OXR1: variants seen among roughly 807,000 people sequenced by gnomAD.
OXR1 encodes the protein oxidation resistance protein 1.
A neutral mutation model predicts 104.6 loss-of-function variants in OXR1; 41 were observed. That is an observed-to-expected ratio of 0.39 (90% CI 0.31 to 0.51). OXR1 has a LOEUF of 0.51. Ranked by LOEUF, OXR1 falls within the 20% of genes least tolerant of loss-of-function variation. The pLI, the probability that OXR1 is intolerant of heterozygous loss-of-function variation, is 0.77. For missense variants in OXR1, 955 were observed against 1,031.9 expected (o/e 0.93, Z 1.02); for synonymous variants, 348 against 348.4 (o/e 1.00, Z 0.01).
intron 2 of OXR1, among the ~76,000 whole-genome samples, chr8:106,496,484 C>T (rs1006578241): frequency 6.6e-6 from 1 of 152,160 alleles, no homozygotes; most frequent in Non-Finnish European, 1.5e-5. Context: ...TATTCTGCTC[C>T]ATGTCTCCTC....
At chr8:106,545,815 T>TG (rs74582675) in intron 3 of OXR1, among the ~76,000 whole-genome samples, 7,442 of 151,990 alleles carry the variant, frequency 0.049, 201 homozygotes, top group Middle Eastern at 0.068. Flanking sequence ...CTGGTGAGCA[T>TG]GCAAAACCTG....
chr8:106,703,297 G>T (rs543284571), intron 8 of OXR1, among the ~76,000 whole-genome samples: 5 of 152,306 alleles, frequency 3.3e-5, no homozygotes, highest in African/African-American at 1.2e-4. Context: ...ATTTGTGTAT[G>T]TGGTCAGAGA....
At chr8:106,563,064 T>C (rs1816797495) in intron 3 of OXR1, among the ~76,000 whole-genome samples, 1 of 152,088 alleles carries the variant, frequency 6.6e-6, no homozygotes, top group Non-Finnish European at 1.5e-5. Context: ...CTGCAGCAAC[T>C]AATGGGCAAA....
chr8:106,692,849 T>G lies in OXR1; in HGVS notation c.647T>G (p.Ile216Ser), dbSNP rs187965651. Residue 216 changes from isoleucine to serine, a missense_variant, in exon 7 of 17, where the codon ATT becomes AGT. Physicochemically the swap from Ile to Ser is moderately radical, Grantham distance 142. Coordinates refer to ENST00000517566, the MANE Select transcript of OXR1 (RefSeq NM_001198533.2). Reference protein sequence around the residue: ...EEAFTEKFLKINCKYITSGKG... With the variant: ...EEAFTEKFLKSNCKYITSGKG... ...GCATTTACTGAGAAATTTCTTAAAA[T>G]TAATTGCAAATATATTACCAGTGGC... 2 of 1,605,664 alleles carry G rather than the reference T, an allele frequency of 1.2e-6. No individual in the cohort carries two copies. The highest frequency in any genetic ancestry group is 2.2e-5 in the East Asian group (1 of 44,708).
chr8:106,469,793 A>G (rs1281175280), intron 2 of OXR1, among the ~76,000 whole-genome samples: 1 of 151,856 alleles, frequency 6.6e-6, no homozygotes, highest in African/African-American at 2.4e-5. Context: ...AAAGCCTGAA[A>G]TAGGCATCTG....
chr8:106,412,532 A>G (rs1818498859), intron 2 of OXR1, among the ~76,000 whole-genome samples: 1 of 152,178 alleles, frequency 6.6e-6, no homozygotes, highest in Non-Finnish European at 1.5e-5. Context: ...TATTCTTATC[A>G]ATTTTCAGAA....
intron 2 of OXR1, among the ~76,000 whole-genome samples, chr8:106,387,137 A>G (rs1192317124): frequency 6.6e-6 from 1 of 152,240 alleles, no homozygotes; most frequent in Non-Finnish European, 1.5e-5. Flanking sequence ...GAGAGTGAGC[A>G]TTAGTGCCAT....
At chr8:106,350,959 CTTCTA>C (rs1202859950) in intron 1 of OXR1, among the ~76,000 whole-genome samples, 5 of 152,142 alleles carry the variant, frequency 3.3e-5, no homozygotes, top group Admixed American at 3.3e-4. Context: ...AATTGGATGA[CTTCTA>C]CTCTAGAGTT....
At chr8:106,363,069 A>G (rs1279520110) in intron 2 of OXR1, among the ~76,000 whole-genome samples, 1 of 152,214 alleles carries the variant, frequency 6.6e-6, no homozygotes, top group East Asian at 1.9e-4. Flanking sequence ...TGTGGAGGTG[A>G]TAGTAATTCT....
At chr8:106,390,061 G>A (rs2022975) in intron 2 of OXR1, among the ~76,000 whole-genome samples, 5,132 of 151,820 alleles carry the variant, frequency 0.034, 298 homozygotes, top group African/African-American at 0.12. Context: ...GCAGGACTCT[G>A]TCTCAAAAAA....
At chr8:106,355,066 A>C (rs150205450) in intron 1 of OXR1, among the ~76,000 whole-genome samples, 1 of 152,214 alleles carries the variant, frequency 6.6e-6, no homozygotes, top group African/African-American at 2.4e-5. Flanking sequence ...TTAATATTGC[A>C]CTAAATGAGT....
At chr8:106,351,425 C>T (rs1286427742) in intron 1 of OXR1, among the ~76,000 whole-genome samples, 2 of 152,018 alleles carry the variant, frequency 1.3e-5, no homozygotes, top group African/African-American at 4.8e-5. Context: ...AAATGATGTG[C>T]ATGTTGAGAT....
chr8:106,305,576 C>G (rs1175312613), intron 1 of OXR1, among the ~76,000 whole-genome samples: 1 of 152,124 alleles, frequency 6.6e-6, no homozygotes, highest in Non-Finnish European at 1.5e-5. Flanking sequence ...ATTTATTTAG[C>G]TGTGTGGATG....
intron 2 of OXR1, among the ~76,000 whole-genome samples, chr8:106,379,399 G>A (rs1817039930): frequency 6.6e-6 from 1 of 152,022 alleles, no homozygotes; most frequent in South Asian, 2.1e-4. Context: ...GACAAGAGAA[G>A]AACATTATAA....
chr8:106,712,602 G>A (rs781107962), intron 10 of OXR1, among the ~76,000 whole-genome samples: 2 of 151,952 alleles, frequency 1.3e-5, no homozygotes, highest in Non-Finnish European at 2.9e-5. Flanking sequence ...TGTACCTCTT[G>A]GAAAATCTTT....
intron 2 of OXR1, among the ~76,000 whole-genome samples, chr8:106,389,665 A>T (rs993036374): frequency 6.6e-6 from 1 of 152,238 alleles, no homozygotes; most frequent in Non-Finnish European, 1.5e-5. Context: ...CAACCTCAAT[A>T]AAACTGATAT....
intron 2 of OXR1, among the ~76,000 whole-genome samples, chr8:106,498,017 T>C (rs1242255121): frequency 1.3e-5 from 2 of 152,180 alleles, no homozygotes; most frequent in African/African-American, 4.8e-5. Context: ...ATGTACTGTC[T>C]CATCTCTGAC....
intron 3 of OXR1, among the ~76,000 whole-genome samples, chr8:106,592,246 C>G (rs1303796239): frequency 1.3e-5 from 2 of 152,130 alleles, no homozygotes; most frequent in African/African-American, 4.8e-5. Flanking sequence ...TTACATAACT[C>G]ATATTCTTGT....
In OXR1 at chr8:106,655,051, C is replaced by T. The variant is rs773429687; in HGVS notation, c.221-24159C>T. On this transcript the variant is annotated intron_variant, in intron 3 of 16. Coordinates refer to ENST00000517566, the MANE Select transcript of OXR1 (RefSeq NM_001198533.2). ...AACATTAAGTGAAAGAAGCCAGACC[C>T]CAAAGACCAAGCATTATATGAAATG... Among the ~76,000 whole-genome samples the T allele has an allele frequency of 2.0e-5, 3 of 152,100 alleles. No individual in the cohort carries two copies. In the East Asian group the frequency reaches 5.8e-4, roughly 29 times the overall value.
Sources: allele counts gnomAD v4.1 joint callset (sites outside exome capture counted in the v4.1 genomes callset), GRCh38; gene constraint gnomAD v4.1.1; transcripts MANE v1.5; gene names NCBI Gene and HGNC (gene_info 2026-07-23, HGNC 2026-07-21).